Variants in PDGFD observed in about 807,000 individuals in gnomAD.
The protein encoded by PDGFD is platelet derived growth factor D, also known as platelet-derived growth factor D.
A neutral mutation model predicts 44.7 loss-of-function variants in PDGFD; 30 were observed. That is an observed-to-expected ratio of 0.67 (90% CI 0.50 to 0.91). PDGFD has a LOEUF of 0.91. Among genes scored for constraint, PDGFD ranks in the 40% least tolerant of loss-of-function variants. The probability of loss-of-function intolerance (pLI) is 0.00; values close to 1 mark genes in which losing one functional copy is unlikely to be tolerated. For synonymous variants in PDGFD, 173 were observed against 168.4 expected (o/e 1.03, Z -0.21); for missense variants, 445 against 457.8 (o/e 0.97, Z 0.25).
At chr11:104,145,906 G>A (rs1862155864) in intron 1 of PDGFD, among the ~76,000 whole-genome samples, 1 of 152,168 alleles carries the variant, frequency 6.6e-6, no homozygotes, top group Non-Finnish European at 1.5e-5. Context: ...CATACGCAAG[G>A]AGGAAAGAAC....
intron 6 of PDGFD, among the ~76,000 whole-genome samples, chr11:103,916,130 A>C (rs1858120925): frequency 6.6e-6 from 1 of 152,154 alleles, no homozygotes; most frequent in South Asian, 2.1e-4. Context: ...ACAGCAAAAA[A>C]AAACTGTCAT....
intron 1 of PDGFD, among the ~76,000 whole-genome samples, chr11:104,118,830 AT>A (rs1367017691): frequency 2.8e-5 from 1 of 35,738 alleles, no homozygotes; most frequent in African/African-American, 9.9e-5. Flanking sequence ...TATTATAAAT[AT>A]TAATATATAA....
At chr11:103,978,278 G>C (rs1414474666) in intron 3 of PDGFD, among the ~76,000 whole-genome samples, 1 of 152,004 alleles carries the variant, frequency 6.6e-6, no homozygotes, top group Non-Finnish European at 1.5e-5. Context: ...GTGTTCTTAA[G>C]GTTGCAGGGC....
chr11:104,117,988 T>C lies in PDGFD; in HGVS notation c.124+45816A>G, dbSNP rs1861666201. Among the ~76,000 whole-genome samples the C allele has an allele frequency of 2.0e-5, 3 of 151,996 alleles. No homozygotes were observed. In the South Asian group the frequency reaches 6.2e-4, roughly 31 times the overall value. On this transcript the variant is annotated intron_variant, in intron 1 of 6. Transcript: ENST00000393158. ...TTCCACTTGTTCATTGCTGGTTTAT[T>C]GTAAAGTGACTAAATTTTGTATATT...
intron 3 of PDGFD, among the ~76,000 whole-genome samples, chr11:103,952,639 C>T (rs1183079096): frequency 6.6e-6 from 1 of 152,096 alleles, no homozygotes; most frequent in East Asian, 1.9e-4. Flanking sequence ...ACAGTTAGGA[C>T]TAGGACCCAA....
intron 1 of PDGFD, among the ~76,000 whole-genome samples, chr11:104,104,577 A>G (rs1325899640): frequency 1.3e-5 from 2 of 152,170 alleles, no homozygotes; most frequent in East Asian, 3.8e-4. Flanking sequence ...GTAGAATAAC[A>G]TGCTGTACAG....
At chr11:104,112,351 A>T (rs1861571284) in intron 1 of PDGFD, among the ~76,000 whole-genome samples, 1 of 151,808 alleles carries the variant, frequency 6.6e-6, no homozygotes, top group South Asian at 2.1e-4. Flanking sequence ...GTGTCTATTC[A>T]TGTCCTTTGC....
chr11:104,082,905 C>A (rs1861067306), intron 1 of PDGFD, among the ~76,000 whole-genome samples: 1 of 152,254 alleles, frequency 6.6e-6, no homozygotes, highest in East Asian at 1.9e-4. Flanking sequence ...AGGCATGAGC[C>A]CCTACTTGTG....
Position 103,909,737 on chromosome 11 carries a change from T to C in PDGFD, c.1070A>G (p.His357Arg). 1 of 1,614,068 alleles carries C rather than the reference T, an allele frequency of 6.2e-7. No homozygotes were observed. Among genetic ancestry groups the C allele is most frequent in the Non-Finnish European group, 8.5e-7 (1 of 1,179,900 alleles). ...GCTGCAGATACAATCACATCGTTCA[T>C]GGTGATCCAACTGGATGTCAACTAG... ...MALVDIQLDH[H>R]ERCDCICSSR... is the part of the protein sequence containing the mutation. Residue 357 changes from histidine (H) to arginine (R), a missense_variant, in exon 7 of 7, where the codon CAT becomes CGT. His to Arg is a conservative substitution (Grantham distance 29). Transcript: ENST00000393158.
At chr11:104,102,909 C>A (rs1445286176) in intron 1 of PDGFD, among the ~76,000 whole-genome samples, 2 of 152,042 alleles carry the variant, frequency 1.3e-5, no homozygotes, top group Non-Finnish European at 2.9e-5. Flanking sequence ...AGGGGAACAT[C>A]ACACACTAGG....
At chr11:104,008,974 T>C (rs901724918) in intron 1 of PDGFD, among the ~76,000 whole-genome samples, 3 of 152,078 alleles carry the variant, frequency 2.0e-5, no homozygotes, top group Admixed American at 2.0e-4. Flanking sequence ...TTATCAGAAA[T>C]AAAATTGTAA....
chr11:103,975,085 T>C (rs1174200810), intron 3 of PDGFD, among the ~76,000 whole-genome samples: 3 of 152,214 alleles, frequency 2.0e-5, no homozygotes, highest in Non-Finnish European at 4.4e-5. Context: ...TCTTCCACAT[T>C]GGTTGAACTA....
chr11:104,142,133 A>G (rs572192106), intron 1 of PDGFD, among the ~76,000 whole-genome samples: 6 of 152,300 alleles, frequency 3.9e-5, no homozygotes, highest in African/African-American at 1.4e-4. Context: ...CATCCTTATA[A>G]TACACATAAC....
chr11:104,043,780 A>C (rs893943529), intron 1 of PDGFD, among the ~76,000 whole-genome samples: 2 of 151,992 alleles, frequency 1.3e-5, no homozygotes, highest in African/African-American at 4.8e-5. Context: ...GAGGTCATAG[A>C]TTCTTTTTAA....
intron 1 of PDGFD, among the ~76,000 whole-genome samples, chr11:104,150,717 T>C (rs909380524): frequency 1.3e-5 from 2 of 152,122 alleles, no homozygotes; most frequent in Non-Finnish European, 2.9e-5. Context: ...ATTACTCAAA[T>C]CTCTGCCTCT....
At chr11:103,968,456 C>T (rs897014360) in intron 3 of PDGFD, among the ~76,000 whole-genome samples, 5 of 152,174 alleles carry the variant, frequency 3.3e-5, no homozygotes, top group African/African-American at 9.7e-5. Flanking sequence ...TACTCATCGT[C>T]GTCCTGTGTT....
At chr11:103,914,062 C>T (rs965252242) in intron 6 of PDGFD, among the ~76,000 whole-genome samples, 6 of 152,140 alleles carry the variant, frequency 3.9e-5, no homozygotes, top group African/African-American at 1.2e-4. Flanking sequence ...CTGAGCTTTA[C>T]ACCACCCTCT....
At chr11:104,135,477 T>G (rs1368107713) in intron 1 of PDGFD, among the ~76,000 whole-genome samples, 1 of 152,216 alleles carries the variant, frequency 6.6e-6, no homozygotes, top group Non-Finnish European at 1.5e-5. Flanking sequence ...CCATAAATTC[T>G]ATGTGACTTA....
At chr11:103,934,828 T>A (rs1858462598) in intron 5 of PDGFD, among the ~76,000 whole-genome samples, 1 of 152,130 alleles carries the variant, frequency 6.6e-6, no homozygotes, top group South Asian at 2.1e-4. Context: ...GGGATTGCAA[T>A]TCAAGATGAG....
Sources: gnomAD v4.1 joint callset for allele counts (sites outside exome capture counted in the v4.1 genomes callset) on GRCh38, gnomAD v4.1.1 for gene constraint, MANE v1.5 for transcripts, NCBI Gene and HGNC (gene_info 2026-07-23, HGNC 2026-07-21) for gene names.